Variants in DLG2 observed in about 807,000 individuals in gnomAD.
The protein encoded by DLG2 is discs large MAGUK scaffold protein 2, also known as disks large homolog 2.
A neutral mutation model predicts 132.5 loss-of-function variants in DLG2; 45 were observed. The observed-to-expected ratio is 0.34, with a 90% CI of 0.27 to 0.44. DLG2 has a LOEUF of 0.44. Ranked by LOEUF, DLG2 falls within the 20% of genes least tolerant of loss-of-function variation. The pLI is 1.00. For missense variants in DLG2, 1,045 were observed against 1,196.9 expected (o/e 0.87, Z 1.87); for synonymous variants, 424 against 419.6 (o/e 1.01, Z -0.13).
chr11:83,998,266 G>T (rs1311154183), intron 11 of DLG2, among the ~76,000 whole-genome samples: 2 of 152,174 alleles, frequency 1.3e-5, no homozygotes, highest in African/African-American at 4.8e-5. Flanking sequence ...TTGTTGGCTT[G>T]CTGTAAAGCA....
chr11:84,963,418 C>T (rs1194540167), intron 6 of DLG2, among the ~76,000 whole-genome samples: 3 of 151,560 alleles, frequency 2.0e-5, no homozygotes, highest in South Asian at 2.1e-4. Context: ...CTGAGAATAA[C>T]CCATTTGCCC....
chr11:84,360,002 G>A (rs1427058196), intron 7 of DLG2, among the ~76,000 whole-genome samples: 1 of 151,840 alleles, frequency 6.6e-6, no homozygotes, highest in African/African-American at 2.4e-5. Context: ...AATGCAATTG[G>A]TAGCTTAGTA....
intron 5 of DLG2, among the ~76,000 whole-genome samples, chr11:85,134,434 C>T (rs1398646649): frequency 2.1e-5 from 3 of 141,632 alleles, no homozygotes; most frequent in African/African-American, 7.8e-5. Flanking sequence ...GAGGCTGAGG[C>T]AGGAGAATGG....
chr11:85,445,796 A>G (rs760026485), intron 3 of DLG2, among the ~76,000 whole-genome samples: 44 of 152,190 alleles, frequency 2.9e-4, no homozygotes, highest in Non-Finnish European at 5.0e-4. Flanking sequence ...TAAACACACA[A>G]TTTCCTTTTT....
At chr11:83,629,653 T>A (rs2063228921) in intron 19 of DLG2, among the ~76,000 whole-genome samples, 1 of 152,174 alleles carries the variant, frequency 6.6e-6, no homozygotes, top group Non-Finnish European at 1.5e-5. Flanking sequence ...AAAGCCTTGT[T>A]CTTTCTTTAT....
In DLG2 at chr11:85,603,529, C is replaced by CT. The variant is rs1317555341; in HGVS notation, c.-92-4742dup. On this transcript the variant is annotated intron_variant, in intron 2 of 27. Coordinates refer to ENST00000376104, the MANE Select transcript of DLG2 (RefSeq NM_001142699.3). The stretch of plus-strand genomic sequence containing the variant: ...CTGAGCACCTTTTTCTTTTCTCTCT[C>CT]TTTTTTTTTTTAATACAATTATAAC... Among the ~76,000 whole-genome samples the CT allele has an allele frequency of 6.4e-3, 929 of 145,952 alleles. 1 individual carries two copies. Among genetic ancestry groups the CT allele is most frequent in the Admixed American group, 9.7e-3 (141 of 14,568 alleles).
chr11:84,129,108 T>C (rs1199554555), intron 9 of DLG2, among the ~76,000 whole-genome samples: 1 of 152,120 alleles, frequency 6.6e-6, no homozygotes, highest in Non-Finnish European at 1.5e-5. Context: ...TTACAGTTTT[T>C]TTCAGGATGA....
At chr11:84,821,644 AC>A (rs2077701809) in intron 6 of DLG2, among the ~76,000 whole-genome samples, 42 of 124,674 alleles carry the variant, frequency 3.4e-4, no homozygotes, top group African/African-American at 6.0e-4. Context: ...AAAAAAAACA[AC>A]AACAACAAAA....
At chr11:84,029,567 A>G (rs1298262504) in intron 11 of DLG2, among the ~76,000 whole-genome samples, 1 of 152,150 alleles carries the variant, frequency 6.6e-6, no homozygotes, top group African/African-American at 2.4e-5. Flanking sequence ...GATGAAAGGG[A>G]AACAAGTGAT....
At chr11:83,799,384 G>C (rs1444341676) in intron 17 of DLG2, among the ~76,000 whole-genome samples, 1 of 152,176 alleles carries the variant, frequency 6.6e-6, no homozygotes, top group Non-Finnish European at 1.5e-5. Flanking sequence ...GAGAAACTGG[G>C]GTTAATGAAT....
chr11:83,614,798 G>A lies in DLG2; in HGVS notation c.1940+18413C>T, dbSNP rs572013038. Among the ~76,000 whole-genome samples the A allele has an allele frequency of 2.1e-4, 32 of 152,252 alleles. No homozygotes were observed. The Middle Eastern group carries it at 0.027, about 129-fold the overall frequency. On this transcript the variant is annotated intron_variant, in intron 19 of 27. Transcript: ENST00000376104. ...AATATTTATGCAACTTTCTGTTTGG[G>A]TTCTGTGCTAGATCCTTAGAACCAC...
chr11:84,558,143 C>A (rs1398073626), intron 6 of DLG2, among the ~76,000 whole-genome samples: 2 of 152,094 alleles, frequency 1.3e-5, no homozygotes. Context: ...AATATTTATT[C>A]TAAGTGTTAT....
chr11:85,199,495 A>C (rs1221288139), intron 4 of DLG2, among the ~76,000 whole-genome samples: 1 of 152,232 alleles, frequency 6.6e-6, no homozygotes, highest in Non-Finnish European at 1.5e-5. Flanking sequence ...TCATTGAACC[A>C]AGCACTTAAG....
chr11:84,243,029 A>C (rs976665885), intron 8 of DLG2, among the ~76,000 whole-genome samples: 1 of 125,312 alleles, frequency 8.0e-6, no homozygotes, highest in Non-Finnish European at 1.7e-5. Flanking sequence ...ATATATATAT[A>C]TATATATATA....
At chr11:85,494,209 G>C (rs59585936) in intron 3 of DLG2, among the ~76,000 whole-genome samples, 1 of 152,122 alleles carries the variant, frequency 6.6e-6, no homozygotes, top group South Asian at 2.1e-4. Flanking sequence ...ACCATCACTT[G>C]AACCACAGCA....
At chr11:84,644,780 G>A (rs1403596176) in intron 6 of DLG2, among the ~76,000 whole-genome samples, 3 of 151,902 alleles carry the variant, frequency 2.0e-5, no homozygotes, top group Non-Finnish European at 4.4e-5. Flanking sequence ...AATGGGGAGT[G>A]TGGGAAACTA....
At chr11:84,528,894 C>A (rs1295806627) in intron 7 of DLG2, among the ~76,000 whole-genome samples, 1 of 152,110 alleles carries the variant, frequency 6.6e-6, no homozygotes, top group Non-Finnish European at 1.5e-5. Flanking sequence ...AATGCTAGTG[C>A]TTGAATCTGA....
intron 6 of DLG2, among the ~76,000 whole-genome samples, chr11:84,992,017 T>C (rs1742266267): frequency 6.6e-6 from 1 of 152,190 alleles, no homozygotes; most frequent in Admixed American, 6.5e-5. Flanking sequence ...GCATCTAAGT[T>C]TTAAATCCAT....
rs115262916 is a variant in DLG2, at chr11:85,549,457, C to T, written c.40+49200G>A. Among the ~76,000 whole-genome samples the T allele has an allele frequency of 3.5e-3, 537 of 152,312 alleles. 1 individual carries two copies. The highest frequency in any genetic ancestry group is 0.013 in the African/African-American group (522 of 41,562). Reference sequence around the variant, plus strand: ...TTGCCAGCCAATTCTCTTCTTTATACTTTTCGATAATGTCTAAATATTTCC... The same window carrying T: ...TTGCCAGCCAATTCTCTTCTTTATATTTTTCGATAATGTCTAAATATTTCC... On this transcript the variant is annotated intron_variant, in intron 3 of 27. Coordinates refer to ENST00000376104, the MANE Select transcript of DLG2 (RefSeq NM_001142699.3).
Sources: allele counts gnomAD v4.1 joint callset (sites outside exome capture counted in the v4.1 genomes callset), GRCh38; gene constraint gnomAD v4.1.1; transcripts MANE v1.5; gene names NCBI Gene and HGNC (gene_info 2026-07-23, HGNC 2026-07-21).